The following MARK2 variants were observed in gnomAD, a reference collection of about 807,000 sequenced individuals.
MARK2 encodes microtubule affinity regulating kinase 2, also known as serine/threonine-protein kinase MARK2.
A neutral mutation model predicts 89.8 loss-of-function variants in MARK2; 16 were observed. That is an observed-to-expected ratio of 0.18 (90% CI 0.12 to 0.27). MARK2 has a LOEUF of 0.27. Among genes scored for constraint, MARK2 ranks in the 10% least tolerant of loss-of-function variants. The pLI is 1.00. For missense variants in MARK2, 621 were observed against 1,049.9 expected (o/e 0.59, Z 5.65); for synonymous variants, 382 against 399.5 (o/e 0.96, Z 0.52).
intron 1 of MARK2, among the ~76,000 whole-genome samples, chr11:63,845,883 T>A (rs764482636): frequency 9.2e-5 from 14 of 152,062 alleles, no homozygotes; most frequent in Admixed American, 3.3e-4. Context: ...CCTCCATGCC[T>A]GGCCACTTTT....
At chr11:63,908,216 C>G (rs199818911) in intron 17 of MARK2, 44 bp from the exon 18 acceptor site, 1 of 1,530,802 alleles carries the variant, frequency 6.5e-7, no homozygotes, top group East Asian at 2.4e-5. Flanking sequence ...GCGGAAGGAG[C>G]GAGAGATCCC....
intron 1 of MARK2, among the ~76,000 whole-genome samples, chr11:63,850,789 A>G (rs1226432105): frequency 6.6e-6 from 1 of 152,046 alleles, no homozygotes; most frequent in Non-Finnish European, 1.5e-5. Context: ...AGGGATTCAT[A>G]CCATCATGTT....
At chr11:63,886,649 C>T (rs1445082015) in intron 1 of MARK2, among the ~76,000 whole-genome samples, 1 of 152,192 alleles carries the variant, frequency 6.6e-6, no homozygotes, top group Non-Finnish European at 1.5e-5. Context: ...GTCTCGAACT[C>T]CTGACCTCAA....
chr11:63,901,455 G>A (rs1217317835), intron 11 of MARK2, among the ~76,000 whole-genome samples: 1 of 106,222 alleles, frequency 9.4e-6, no homozygotes. Flanking sequence ...GTGTCTGATC[G>A]GAAGTTTGAG....
intron 1 of MARK2, among the ~76,000 whole-genome samples, chr11:63,890,542 G>A (rs1286186399): frequency 9.2e-5 from 14 of 152,188 alleles, no homozygotes; most frequent in Non-Finnish European, 2.1e-4. Flanking sequence ...AAGGCTAGAG[G>A]TGCTGGTGTC....
At chr11:63,871,120 T>TTG (rs890019367) in intron 1 of MARK2, among the ~76,000 whole-genome samples, 22 of 152,016 alleles carry the variant, frequency 1.4e-4, no homozygotes, top group South Asian at 1.0e-3. Flanking sequence ...ATATGCATAT[T>TTG]TGTGTGTGTG....
Position 63,843,633 on chromosome 11 carries a change from T to TG in MARK2, c.54+4073_54+4074insG, listed in dbSNP as rs567873378. Among the ~76,000 whole-genome samples the TG allele has an allele frequency of 1.3e-3, 198 of 148,876 alleles. 2 individuals carry two copies. The highest frequency in any genetic ancestry group is 4.5e-3 in the African/African-American group (183 of 40,502). On this transcript the variant is annotated intron_variant, in intron 1 of 18. Transcript: ENST00000402010. ...AAAATATATATATATATAAAACTCTTTTTTTTTTTGACACAGAGTCTTGCT... is the reference window on the plus strand; with the variant it reads ...AAAATATATATATATATAAAACTCTTGTTTTTTTTTGACACAGAGTCTTGCT...
chr11:63,875,183 C>T (rs1342532325), intron 1 of MARK2, among the ~76,000 whole-genome samples: 1 of 141,106 alleles, frequency 7.1e-6, no homozygotes, highest in Non-Finnish European at 1.5e-5. Context: ...TGCAGTGGTG[C>T]GATCTCGGCT....
chr11:63,870,721 A>G (rs114738126), intron 1 of MARK2, among the ~76,000 whole-genome samples: 1 of 152,344 alleles, frequency 6.6e-6, no homozygotes, highest in African/African-American at 2.4e-5. Context: ...GAGCTGGGAA[A>G]TGTCCGGAGA....
At chr11:63,851,982 G>A (rs2016594676) in intron 1 of MARK2, among the ~76,000 whole-genome samples, 2 of 152,126 alleles carry the variant, frequency 1.3e-5, no homozygotes, top group African/African-American at 2.4e-5. Flanking sequence ...TATTGAATTT[G>A]GTTCTAATTG....
intron 1 of MARK2, among the ~76,000 whole-genome samples, chr11:63,853,717 T>A (rs2016688164): frequency 6.6e-6 from 1 of 152,226 alleles, no homozygotes; most frequent in African/African-American, 2.4e-5. Flanking sequence ...GAAGTGGCAC[T>A]AAGCTCTACT....
At chr11:63,908,563 T>A (rs1037985465) in intron 18 of MARK2, among the ~76,000 whole-genome samples, 2 of 152,176 alleles carry the variant, frequency 1.3e-5, no homozygotes, top group African/African-American at 4.8e-5. Context: ...TTCCTACCCC[T>A]GGACTATCCC....
chr11:63,848,997 G>A (rs535176842), intron 1 of MARK2, among the ~76,000 whole-genome samples: 5 of 152,084 alleles, frequency 3.3e-5, no homozygotes, highest in Non-Finnish European at 7.4e-5. Flanking sequence ...GTGAGCCACC[G>A]CGCCTGACCT....
chr11:63,908,490 T>G (rs1941528537), intron 18 of MARK2, among the ~76,000 whole-genome samples, 186 bp downstream of exon 18: 1 of 152,196 alleles, frequency 6.6e-6, no homozygotes, highest in South Asian at 2.1e-4. Context: ...TTACGGGCCC[T>G]TCTCCTCAGG....
intron 1 of MARK2, among the ~76,000 whole-genome samples, chr11:63,867,114 C>T (rs1250708384): frequency 1.3e-5 from 2 of 152,218 alleles, no homozygotes; most frequent in Non-Finnish European, 2.9e-5. Flanking sequence ...GCAACCTCCG[C>T]CTCTCAGGCT....
In MARK2 at chr11:63,903,701, G is replaced by A. The variant is rs972057339; in HGVS notation, c.1515-285G>A. On this transcript the variant is annotated intron_variant, in intron 14 of 18. Coordinates refer to ENST00000402010, the MANE Select transcript of MARK2 (RefSeq NM_001039469.3). This position sits in a 1 kb window ranked among gnomAD's most constrained non-coding sequence, Gnocchi z 5.1. The stretch of plus-strand genomic sequence containing the variant: ...AACTCTCCTGTTCTTAAAATTCTTA[G>A]GAGGCCAGTGCAGCCTGGAGGCAGC... 6.6e-6 allele frequency among the ~76,000 whole-genome samples: 1 copy of A among 152,136 alleles called. No individual in the cohort carries two copies. The highest frequency in any genetic ancestry group is 2.4e-5 in the African/African-American group (1 of 41,418).
At chr11:63,888,871 G>A (rs939712550) in intron 1 of MARK2, 13 of 1,330,856 alleles carry the variant, frequency 9.8e-6, no homozygotes, top group Non-Finnish European at 1.2e-5. Flanking sequence ...GGCTCTTCCC[G>A]GCCTCTGTAC....
Position 63,909,262 on chromosome 11 carries a change from G to A in MARK2, c.*25G>A, listed in dbSNP as rs1360027698. On this transcript the variant is annotated 3_prime_UTR_variant, in exon 19 of 19. Coordinates refer to ENST00000402010, the MANE Select transcript of MARK2 (RefSeq NM_001039469.3). ...ACAGGCTGCCAGGAGCGGGGGCGGCGGGGGCGGGCCAGCTGGACGGGCTGC... is the reference window on the plus strand; with the variant it reads ...ACAGGCTGCCAGGAGCGGGGGCGGCAGGGGCGGGCCAGCTGGACGGGCTGC... 6.4e-7 allele frequency: 1 copy of A among 1,558,498 alleles called. No homozygotes were observed. The highest frequency in any genetic ancestry group is 8.7e-7 in the Non-Finnish European group (1 of 1,144,646).
chr11:63,839,902 AC>A (rs1433542682), intron 1 of MARK2, among the ~76,000 whole-genome samples: 1 of 151,096 alleles, frequency 6.6e-6, no homozygotes, highest in Non-Finnish European at 1.5e-5. Context: ...TAAAGCAGCC[AC>A]CCTCCCGCTC....
Sources: allele counts gnomAD v4.1 joint callset (sites outside exome capture counted in the v4.1 genomes callset), GRCh38; gene constraint gnomAD v4.1.1; non-coding constraint Gnocchi (gnomAD v3.1); transcripts MANE v1.5; gene names NCBI Gene and HGNC (gene_info 2026-07-23, HGNC 2026-07-21).